PCDH15: variants seen among roughly 807,000 people sequenced by gnomAD.
The protein encoded by PCDH15 is protocadherin-15.
Under a neutral mutation model 178.5 loss-of-function variants are expected in PCDH15, and 129 were observed. The observed-to-expected ratio is 0.72, with a 90% confidence interval of 0.63 to 0.84. The LOEUF (loss-of-function observed/expected upper bound fraction) is 0.84, where lower values mean the gene tolerates loss of function less well. PCDH15 is among the 40% of genes least tolerant of loss of function. The probability of loss-of-function intolerance (pLI) is 0.00; values close to 1 mark genes in which losing one functional copy is unlikely to be tolerated. For missense variants in PCDH15, 2,230 were observed against 2,099.9 expected, an observed-to-expected ratio of 1.06 and a Z score of -1.21; for synonymous variants, 800 against 732.0, an observed-to-expected ratio of 1.09 and a Z score of -1.50.
At chr10:54,872,937 A>G (rs528413553) in intron 3 of PCDH15, among the ~76,000 whole-genome samples, 36 of 152,190 alleles carry the variant, frequency 2.4e-4, no homozygotes, top group Non-Finnish European at 4.7e-4. Flanking sequence ...CACCAAACCA[A>G]GGTCTCAAAG....
chr10:55,325,980 GA>G (rs555223337), intron 2 of PCDH15, among the ~76,000 whole-genome samples: 3 of 151,790 alleles, frequency 2.0e-5, no homozygotes, highest in Admixed American at 2.0e-4. Flanking sequence ...ACAAGTATAT[GA>G]AAAAAAATGC....
At chr10:54,138,267 A>AGT (rs963774253) in intron 14 of PCDH15, among the ~76,000 whole-genome samples, 3 of 151,684 alleles carry the variant, frequency 2.0e-5, no homozygotes, top group African/African-American at 7.3e-5. Context: ...TGTGTGAGCA[A>AGT]GTGTGTATCT....
At chr10:54,195,393 T>C (rs937617333) in intron 11 of PCDH15, among the ~76,000 whole-genome samples, 1 of 152,152 alleles carries the variant, frequency 6.6e-6, no homozygotes, top group Non-Finnish European at 1.5e-5. Flanking sequence ...AAAACAGTTC[T>C]CAACATATGT....
intron 1 of PCDH15, among the ~76,000 whole-genome samples, chr10:54,788,699 G>A (rs1951115147): frequency 6.6e-6 from 1 of 151,796 alleles, no homozygotes; most frequent in Non-Finnish European, 1.5e-5. Flanking sequence ...AGTAGGCAGA[G>A]GAGAGATTCT....
At chr10:54,788,201 C>T (rs950857726) in intron 1 of PCDH15, among the ~76,000 whole-genome samples, 1 of 151,734 alleles carries the variant, frequency 6.6e-6, no homozygotes, top group Non-Finnish European at 1.5e-5. Context: ...AGGGATAAAA[C>T]AGGGCTGATA....
At chr10:54,979,242 A>G (rs1839155455) in intron 2 of PCDH15, among the ~76,000 whole-genome samples, 1 of 152,226 alleles carries the variant, frequency 6.6e-6, no homozygotes, top group Non-Finnish European at 1.5e-5. Flanking sequence ...GATAGTTGAA[A>G]TAGAAATAAA....
At chr10:54,629,200 T>G (rs1407589653) in intron 2 of PCDH15, among the ~76,000 whole-genome samples, 1 of 152,186 alleles carries the variant, frequency 6.6e-6, no homozygotes, top group African/African-American at 2.4e-5. Flanking sequence ...ATCATTTTTG[T>G]ACTTGGCAAT....
At chr10:55,020,310 G>A (rs1840290898) in intron 2 of PCDH15, among the ~76,000 whole-genome samples, 1 of 151,416 alleles carries the variant, frequency 6.6e-6, no homozygotes, top group African/African-American at 2.4e-5. Flanking sequence ...ATTTGGGCAT[G>A]TAATAGTAAT....
intron 9 of PCDH15, among the ~76,000 whole-genome samples, chr10:54,236,380 CT>C (rs531061782): frequency 2.6e-4 from 39 of 147,976 alleles, no homozygotes; most frequent in African/African-American, 2.5e-4. Flanking sequence ...GCTCTCTCAC[CT>C]TTTTTTTTTA....
At chr10:54,663,490 G>A (rs902580796) in intron 2 of PCDH15, among the ~76,000 whole-genome samples, 44 of 149,274 alleles carry the variant, frequency 2.9e-4, no homozygotes, top group Non-Finnish European at 1.0e-4. Context: ...GCTATTCTAA[G>A]ACAGATTCTG....
intron 1 of PCDH15, among the ~76,000 whole-genome samples, chr10:55,184,513 G>A (rs1467750205): frequency 6.6e-6 from 1 of 151,938 alleles, no homozygotes; most frequent in Admixed American, 6.6e-5. Flanking sequence ...TCTCAAGAAA[G>A]TTGATGAATA....
rs560708803 is a variant in PCDH15 at position 54,082,015 on chromosome 10, T to C, written c.1998-2591A>G. Among the ~76,000 whole-genome samples, 1,332 of 152,292 alleles carry C rather than the reference T, an allele frequency of 8.7e-3. 25 individuals carry two copies. The highest frequency in any genetic ancestry group is 0.03 in the African/African-American group (1,243 of 41,564). On this transcript the variant is annotated intron_variant, in intron 16 of 37. Coordinates refer to ENST00000644397, the MANE Select transcript of PCDH15 (RefSeq NM_001384140.1). ...GGTAAATCAAATCTGGTAGAAGAACTCTGTGGCATTTTGACTTGTCTTTAT... is the reference window on the plus strand; with the variant it reads ...GGTAAATCAAATCTGGTAGAAGAACCCTGTGGCATTTTGACTTGTCTTTAT...
At chr10:53,852,035 C>A (rs1296397240) in intron 28 of PCDH15, among the ~76,000 whole-genome samples, 1 of 151,884 alleles carries the variant, frequency 6.6e-6, no homozygotes, top group Non-Finnish European at 1.5e-5. Context: ...AATACTCTAA[C>A]TCAGTGTTTC....
At chr10:55,373,916 G>A (rs1588965071) in intron 2 of PCDH15, among the ~76,000 whole-genome samples, 1 of 139,546 alleles carries the variant, frequency 7.2e-6, no homozygotes, top group Admixed American at 7.5e-5. Context: ...ACAGGGAGGG[G>A]AACATCACAC....
intron 2 of PCDH15, among the ~76,000 whole-genome samples, chr10:54,903,216 T>A (rs1469629884): frequency 1.3e-5 from 2 of 152,138 alleles, no homozygotes; most frequent in Non-Finnish European, 2.9e-5. Flanking sequence ...ACTACAGTGT[T>A]CGTTTGGATG....
intron 8 of PCDH15, among the ~76,000 whole-genome samples, chr10:54,285,023 A>C (rs906867024): frequency 7.2e-5 from 11 of 152,212 alleles, no homozygotes; most frequent in Admixed American, 7.2e-4. Flanking sequence ...TATGAAAGAA[A>C]TTGTTTCCAA....
chr10:54,757,880 G>T (rs1049879280), intron 1 of PCDH15, among the ~76,000 whole-genome samples: 7 of 152,206 alleles, frequency 4.6e-5, no homozygotes, highest in African/African-American at 1.4e-4. Context: ...CAAGCAAAAG[G>T]CATCAAAAGA....
intron 3 of PCDH15, among the ~76,000 whole-genome samples, chr10:54,408,848 T>C (rs10733930): frequency 0.79 from 120,804 of 152,122 alleles, 48,750 homozygotes; most frequent in East Asian, 0.99. Context: ...GTTGGCAATG[T>C]TGGCATCAGC....
At chr10:55,397,006 A>C (rs1290262530) in intron 2 of PCDH15, among the ~76,000 whole-genome samples, 1 of 152,208 alleles carries the variant, frequency 6.6e-6, no homozygotes, top group African/African-American at 2.4e-5. Flanking sequence ...AGAATGTTTC[A>C]GTATTGTGGG....
Sources: allele counts gnomAD v4.1 joint callset (sites outside exome capture counted in the v4.1 genomes callset), GRCh38; gene constraint gnomAD v4.1.1; transcripts MANE v1.5; gene names NCBI Gene and HGNC (gene_info 2026-07-23, HGNC 2026-07-21).